Variants in GNG2 observed in about 807,000 individuals in gnomAD.
The protein encoded by GNG2 is guanine nucleotide-binding protein G(I)/G(S)/G(O) subunit gamma-2.
In GNG2, 5 loss-of-function variants were observed where a neutral mutation model predicts 5.5. The observed-to-expected ratio is 0.91, with a 90% confidence interval of 0.48 to 1.92. The LOEUF (loss-of-function observed/expected upper bound fraction) is 1.92, where lower values mean the gene tolerates loss of function less well. GNG2 is among the 30% of genes most tolerant of loss of function. GNG2 has a pLI of 0.01. For synonymous variants in GNG2, 28 were observed against 32.0 expected (o/e 0.88, Z 0.42); for missense variants, 55 against 88.4 (o/e 0.62, Z 1.52).
At chr14:51,854,559 G>C (rs543225978) in intron 2 of GNG2, among the ~76,000 whole-genome samples, 11 of 152,066 alleles carry the variant, frequency 7.2e-5, no homozygotes, top group Admixed American at 6.5e-4. Context: ...GCCCAGGCTG[G>C]AGTGCAGTGG....
intron 2 of GNG2, among the ~76,000 whole-genome samples, chr14:51,946,157 C>T (rs1594947607): frequency 6.6e-6 from 1 of 152,256 alleles, no homozygotes; most frequent in African/African-American, 2.4e-5. Flanking sequence ...GAAGTCACAA[C>T]ATGAGCAAAA....
chr14:51,945,922 A>T (rs1473770883), intron 2 of GNG2, among the ~76,000 whole-genome samples: 1 of 123,924 alleles, frequency 8.1e-6, no homozygotes, highest in Admixed American at 7.8e-5. Context: ...TGTTTGTTTA[A>T]GATTCTTTGT....
At chr14:51,909,919 A>G (rs910231855) in intron 2 of GNG2, among the ~76,000 whole-genome samples, 5 of 152,204 alleles carry the variant, frequency 3.3e-5, no homozygotes, top group Admixed American at 2.0e-4. Context: ...AGATCCTTTA[A>G]GCAGCATACA....
chr14:51,951,301 A>G (rs975542744), intron 3 of GNG2, among the ~76,000 whole-genome samples: 1 of 152,192 alleles, frequency 6.6e-6, no homozygotes, highest in Non-Finnish European at 1.5e-5. Flanking sequence ...GAAAGTTCAT[A>G]GTCTATGTGT....
At chr14:51,843,489 T>G (rs544894161) in intron 2 of GNG2, among the ~76,000 whole-genome samples, 1 of 152,154 alleles carries the variant, frequency 6.6e-6, no homozygotes, top group Non-Finnish European at 1.5e-5. Flanking sequence ...AAAACCTGGA[T>G]GACAGGTTGG....
chr14:51,889,657 CT>C (rs1884715607), intron 2 of GNG2, among the ~76,000 whole-genome samples: 1 of 152,074 alleles, frequency 6.6e-6, no homozygotes, highest in Non-Finnish European at 1.5e-5. Context: ...AAACTTAAAG[CT>C]TTTTAACTCA....
At chr14:51,910,581 C>T (rs1026406246) in intron 2 of GNG2, among the ~76,000 whole-genome samples, 2 of 152,156 alleles carry the variant, frequency 1.3e-5, no homozygotes, top group Admixed American at 1.3e-4. Context: ...GTACCTTTTG[C>T]TCCTCATTGT....
At chr14:51,856,204 A>G (rs752193000), upstream of GNG2, among the ~76,000 whole-genome samples, 4 of 151,980 alleles carry the variant, frequency 2.6e-5, no homozygotes, top group Non-Finnish European at 4.4e-5. Context: ...AAAATAAAGA[A>G]CTAGCTGGGC....
chr14:51,917,552 C>T, intron 2 of GNG2: 1 of 391,796 alleles, frequency 2.6e-6, no homozygotes, highest in Non-Finnish European at 5.1e-6. Flanking sequence ...ATCTTGCACA[C>T]ACTGAATTAC....
chr14:51,945,409 G>A lies in GNG2; in HGVS notation c.-29-5241G>A, dbSNP rs1888584576. ...TGTGGATGAACCTTAGAGACATTATGCTAAGTGAAATAAGCCAGTCACAAA... is the reference window on the plus strand; with the variant it reads ...TGTGGATGAACCTTAGAGACATTATACTAAGTGAAATAAGCCAGTCACAAA... On this transcript the variant is annotated intron_variant, in intron 2 of 3. Coordinates refer to ENST00000556766, the MANE Select transcript of GNG2 (RefSeq NM_053064.5). 1.3e-5 allele frequency among the ~76,000 whole-genome samples: 2 copies of A among 152,178 alleles called. 1 individual carries two copies. The highest frequency in any genetic ancestry group is 1.3e-4 in the Admixed American group (2 of 15,276).
chr14:51,837,033 G>GT (rs756124738), intron 2 of GNG2, among the ~76,000 whole-genome samples: 70 of 151,604 alleles, frequency 4.6e-4, no homozygotes, highest in Middle Eastern at 3.4e-3. Context: ...AATTTTTGTA[G>GT]TTTTTAGTAG....
At chr14:51,913,493 G>A (rs1208281252) in intron 2 of GNG2, among the ~76,000 whole-genome samples, 1 of 152,114 alleles carries the variant, frequency 6.6e-6, no homozygotes. Flanking sequence ...CAGTCTGGGT[G>A]ACAGAGTGAG....
At chr14:51,912,587 G>A (rs555510079) in intron 2 of GNG2, among the ~76,000 whole-genome samples, 1 of 152,088 alleles carries the variant, frequency 6.6e-6, no homozygotes, top group Admixed American at 6.5e-5. Context: ...TTACTGCTGG[G>A]CTTCTTCAGA....
chr14:51,942,263 G>A (rs1231897132), intron 2 of GNG2, among the ~76,000 whole-genome samples: 1 of 152,148 alleles, frequency 6.6e-6, no homozygotes. Context: ...TTTTCATGAT[G>A]GCTTTGTGGC....
intron 2 of GNG2, among the ~76,000 whole-genome samples, chr14:51,899,742 A>G (rs963711755): frequency 6.6e-6 from 1 of 152,264 alleles, no homozygotes; most frequent in African/African-American, 2.4e-5. Context: ...CTACATACAT[A>G]TAAGTGGAAT....
chr14:51,834,705 G>T (rs572079482), intron 2 of GNG2, among the ~76,000 whole-genome samples: 1 of 152,200 alleles, frequency 6.6e-6, no homozygotes, highest in Non-Finnish European at 1.5e-5. Flanking sequence ...AAGCACTGGA[G>T]ATGTCACCTA....
chr14:51,842,869 T>A (rs1479080541), intron 2 of GNG2, among the ~76,000 whole-genome samples: 1 of 152,038 alleles, frequency 6.6e-6, no homozygotes, highest in Non-Finnish European at 1.5e-5. Context: ...TTTGCCGTGT[T>A]GTCTAGGCTG....
chr14:51,916,350 A>G, intron 2 of GNG2: 1 of 387,996 alleles, frequency 2.6e-6, no homozygotes, highest in Admixed American at 3.4e-5. Flanking sequence ...TAAATGGAGT[A>G]GTTGAGAATA....
At chr14:51,857,597 CA>C (rs1882222033), upstream of GNG2, among the ~76,000 whole-genome samples, 1 of 151,856 alleles carries the variant, frequency 6.6e-6, no homozygotes, top group Non-Finnish European at 1.5e-5. Flanking sequence ...GGTAGGAGGA[CA>C]AAGTAGAAAG....
Sources: gnomAD v4.1 joint callset for allele counts (sites outside exome capture counted in the v4.1 genomes callset) on GRCh38, gnomAD v4.1.1 for gene constraint, MANE v1.5 for transcripts, NCBI Gene and HGNC (gene_info 2026-07-23, HGNC 2026-07-21) for gene names.